Variants in TMEM161B observed in about 807,000 individuals in gnomAD.
TMEM161B encodes the protein transmembrane protein 161B.
TMEM161B carries 34 observed loss-of-function variants against 61.8 expected under a neutral mutation model. The ratio of observed to expected loss-of-function variants is 0.55; its 90% CI spans 0.42 to 0.73. The LOEUF is 0.73. Ranked by LOEUF, TMEM161B falls within the 30% of genes least tolerant of loss-of-function variation. The pLI is 0.00. For missense variants in TMEM161B, 456 were observed against 558.5 expected (o/e 0.82, Z 1.85); for synonymous variants, 167 against 192.8 (o/e 0.87, Z 1.11).
At chr5:88,213,005 A>C (rs1453881968) in intron 5 of TMEM161B, among the ~76,000 whole-genome samples, 1 of 152,202 alleles carries the variant, frequency 6.6e-6, no homozygotes, top group Non-Finnish European at 1.5e-5. Context: ...ATTTTTATAT[A>C]AACTGAGTTT....
intron 5 of TMEM161B, 21 bp from the exon 6 acceptor site, chr5:88,207,201 G>GA (rs1294893902): frequency 9.4e-6 from 15 of 1,592,438 alleles, no homozygotes; most frequent in African/African-American, 2.7e-5. Flanking sequence ...AAAAGTTCAG[G>GA]AAAAACCACA....
chr5:88,247,492 T>C (rs539357361), intron 1 of TMEM161B, among the ~76,000 whole-genome samples: 1 of 152,176 alleles, frequency 6.6e-6, no homozygotes, highest in African/African-American at 2.4e-5. Context: ...TCCCTAAATA[T>C]GTTAGAAAAG....
Position 88,206,924 on chromosome 5 carries a change from A to G in TMEM161B, c.598+105T>C, listed in dbSNP as rs1745614023. On this transcript the variant is annotated intron_variant, in intron 6 of 11. Coordinates refer to ENST00000296595, the MANE Select transcript of TMEM161B (RefSeq NM_153354.5). ...GAACATTACAGAGTATACACTTTAA[A>G]TTTAATTTTAGATATTTATCAGACA... 5 of 973,944 alleles carry G rather than the reference A, an allele frequency of 5.1e-6. No individual in the cohort carries two copies. In the South Asian group the frequency reaches 8.2e-5, roughly 16 times the overall value. 60.3% of individuals were successfully genotyped at this position (973,944 alleles called of 1,614,324 possible).
chr5:88,220,507 G>C, intron 5 of TMEM161B, 56 bp downstream of exon 5: 1 of 1,361,200 alleles, frequency 7.3e-7, no homozygotes, highest in Non-Finnish European at 9.7e-7. Context: ...TCAGAGATGA[G>C]ATCTAATGGT....
chr5:88,200,921 T>C (rs1744273171), intron 9 of TMEM161B: 1 of 152,092 alleles, frequency 6.6e-6, no homozygotes, highest in Non-Finnish European at 1.5e-5. Context: ...TTGCTTCTGA[T>C]TACAAAGACC....
chr5:88,234,614 C>G (rs981737206), intron 2 of TMEM161B, among the ~76,000 whole-genome samples: 2 of 152,150 alleles, frequency 1.3e-5, no homozygotes, highest in African/African-American at 4.8e-5. Flanking sequence ...TGACGGCCTG[C>G]TTGCAACTGC....
At chr5:88,222,772 T>C (rs2112539363) in intron 4 of TMEM161B, among the ~76,000 whole-genome samples, 1 of 152,280 alleles carries the variant, frequency 6.6e-6, no homozygotes, top group African/African-American at 2.4e-5. Context: ...ATATATACAT[T>C]CCATGAAAGT....
At chr5:88,241,262 C>T (rs1752697315) in intron 1 of TMEM161B, among the ~76,000 whole-genome samples, 1 of 151,694 alleles carries the variant, frequency 6.6e-6, no homozygotes, top group Admixed American at 6.6e-5. Flanking sequence ...AATACTATGT[C>T]ATTTTATATA....
At chr5:88,223,013 T>G (rs1749286970) in intron 4 of TMEM161B, among the ~76,000 whole-genome samples, 1 of 151,842 alleles carries the variant, frequency 6.6e-6, no homozygotes, top group South Asian at 2.1e-4. Flanking sequence ...CTGGAAATGC[T>G]CTTGATGTTA....
chr5:88,231,788 T>C (rs1300802486), intron 2 of TMEM161B, among the ~76,000 whole-genome samples: 3 of 152,160 alleles, frequency 2.0e-5, no homozygotes, highest in African/African-American at 7.2e-5. Flanking sequence ...CCATTGCTCC[T>C]AGGGGAAATA....
intron 2 of TMEM161B, among the ~76,000 whole-genome samples, chr5:88,229,490 T>G (rs1167988584): frequency 4.1e-4 from 3 of 7,364 alleles, no homozygotes; most frequent in Non-Finnish European, 4.7e-4. Flanking sequence ...TAGTTATTGG[T>G]TTTTTTTTTT....
At chr5:88,218,674 T>TGAGA (rs1418123741) in intron 5 of TMEM161B, among the ~76,000 whole-genome samples, 2 of 151,882 alleles carry the variant, frequency 1.3e-5, no homozygotes, top group Non-Finnish European at 2.9e-5. Context: ...GGCAACAGAG[T>TGAGA]GAGACCCTGT....
At chr5:88,198,865 T>C (rs1750160189) in intron 10 of TMEM161B, 111 bp downstream of exon 10, 1 of 930,732 alleles carries the variant, frequency 1.1e-6, no homozygotes, top group Non-Finnish European at 1.6e-6. Context: ...TGTTTATTTA[T>C]AATAAGAATA....
intron 5 of TMEM161B, among the ~76,000 whole-genome samples, chr5:88,219,636 C>T (rs1748549413): frequency 6.6e-6 from 1 of 151,946 alleles, no homozygotes; most frequent in African/African-American, 2.4e-5. Flanking sequence ...GATAGGTATA[C>T]ATGAAAAGCA....
At chr5:88,265,948 T>C (rs33704) in intron 1 of TMEM161B, among the ~76,000 whole-genome samples, 42,669 of 152,140 alleles carry the variant, frequency 0.28, 7,156 homozygotes, top group African/African-American at 0.46. Context: ...TTAGCTTGAA[T>C]GGTAGAAAGA....
At chr5:88,244,584 CT>C (rs369319062) in intron 1 of TMEM161B, among the ~76,000 whole-genome samples, 91 of 115,980 alleles carry the variant, frequency 7.8e-4, no homozygotes, top group Middle Eastern at 4.5e-3. Context: ...TCCAGCTTTG[CT>C]TTTTTTTTTT....
chr5:88,226,583 G>T (rs1409797482), intron 3 of TMEM161B, among the ~76,000 whole-genome samples: 1 of 152,018 alleles, frequency 6.6e-6, no homozygotes, highest in African/African-American at 2.4e-5. Flanking sequence ...ACACCCCCAT[G>T]GCCAGCTTCA....
chr5:88,237,874 T>C (rs1752117236), intron 2 of TMEM161B, among the ~76,000 whole-genome samples: 1 of 152,088 alleles, frequency 6.6e-6, no homozygotes, highest in Non-Finnish European at 1.5e-5. Context: ...CCTTCAAGTA[T>C]AATTGCTTAT....
At chr5:88,211,768 CAAAAA>C (rs61376905) in intron 5 of TMEM161B, among the ~76,000 whole-genome samples, 2 of 116,560 alleles carry the variant, frequency 1.7e-5, no homozygotes, top group Admixed American at 8.5e-5. Context: ...GAACTCCATC[CAAAAA>C]AAAAAAAAAA....
Sources: gnomAD v4.1 joint callset for allele counts (sites outside exome capture counted in the v4.1 genomes callset) on GRCh38, gnomAD v4.1.1 for gene constraint, MANE v1.5 for transcripts, NCBI Gene and HGNC (gene_info 2026-07-23, HGNC 2026-07-21) for gene names.